The following ME1 variants were observed in gnomAD, a reference collection of about 807,000 sequenced individuals.
ME1 encodes malic enzyme 1.
A neutral mutation model predicts 66.4 loss-of-function variants in ME1; 74 were observed. The ratio of observed to expected loss-of-function variants is 1.11; its 90% CI spans 0.92 to 1.35. The LOEUF (loss-of-function observed/expected upper bound fraction) is 1.35. Ranked by LOEUF, ME1 falls within the 40% of genes most tolerant of loss-of-function variation. The pLI is 0.00. For synonymous variants in ME1, 251 were observed against 235.6 expected (o/e 1.07, Z -0.60); for missense variants, 750 against 694.1 (o/e 1.08, Z -0.90).
At chr6:83,288,531 A>T (rs1767439480) in intron 6 of ME1, among the ~76,000 whole-genome samples, 1 of 152,182 alleles carries the variant, frequency 6.6e-6, no homozygotes, top group African/African-American at 2.4e-5. Context: ...TTTTGGTACC[A>T]GTACCATGCT....
chr6:83,349,438 G>A (rs1768755925), intron 4 of ME1, among the ~76,000 whole-genome samples: 2 of 138,810 alleles, frequency 1.4e-5, no homozygotes, highest in South Asian at 4.4e-4. Context: ...TATCAGTGAT[G>A]TCTGTTTTTC....
rs375407404 is a variant in ME1, at chr6:83,317,993, C to T, written c.601-2580G>A. 1.8e-4 allele frequency among the ~76,000 whole-genome samples: 28 copies of T among 152,118 alleles called. 1 individual carries two copies. The highest frequency in any genetic ancestry group is 4.6e-4 in the African/African-American group (19 of 41,520). On this transcript the variant is annotated intron_variant, in intron 5 of 13. Coordinates refer to ENST00000369705, the MANE Select transcript of ME1 (RefSeq NM_002395.6). The stretch of plus-strand genomic sequence containing the variant: ...AACAGAACAGAGCCCTCAGAAATAA[C>T]GCCACATATCTACAACTATCTGATC...
intron 6 of ME1, among the ~76,000 whole-genome samples, chr6:83,260,760 T>C (rs1020426612): frequency 2.0e-5 from 3 of 152,214 alleles, no homozygotes; most frequent in African/African-American, 7.2e-5. Context: ...TCCAGCTCCA[T>C]CCATGTTCCT....
intron 6 of ME1, among the ~76,000 whole-genome samples, chr6:83,298,331 T>A (rs1344283022): frequency 6.6e-6 from 1 of 152,244 alleles, no homozygotes; most frequent in East Asian, 1.9e-4. Flanking sequence ...GAGCTTTTTT[T>A]CATATGTTTG....
In ME1 at chr6:83,237,739, T is replaced by G. The variant is rs150472584; in HGVS notation, c.1004A>C (p.Asp335Ala). The change falls in exon 9 of 14, where the codon GAT becomes GCT. Residue 335 changes from aspartate to alanine, a missense_variant. Physicochemically the swap from Asp to Ala is moderately radical, Grantham distance 126. Coordinates refer to ENST00000369705, the MANE Select transcript of ME1 (RefSeq NM_002395.6). ...EKAIKKIWLV[D>A]SKGLIVKGRA... The stretch of plus-strand genomic sequence containing the variant: ...TACCTTAACTATTAATCCTTTTGAA[T>G]CAACCAGCCATATCTTTTTGATGGC... 2.8e-4 allele frequency: 449 copies of G among 1,600,482 alleles called. 1 individual carries two copies. Among genetic ancestry groups the G allele is most frequent in the Admixed American group, 4.6e-4 (27 of 59,110 alleles).
chr6:83,224,858 T>C (rs961554790), intron 11 of ME1, among the ~76,000 whole-genome samples: 13 of 152,012 alleles, frequency 8.6e-5, no homozygotes, highest in Non-Finnish European at 1.6e-4. Context: ...CTAGTATTAA[T>C]ATTTTGTCAT....
chr6:83,393,474 G>C (rs1769669654), intron 3 of ME1: 1 of 481,818 alleles, frequency 2.1e-6, no homozygotes, highest in Non-Finnish European at 3.7e-6. Context: ...CTGCTGGAGA[G>C]TCCCTGCCAC....
At chr6:83,214,797 C>T (rs1789960445) in intron 13 of ME1, among the ~76,000 whole-genome samples, 1 of 152,012 alleles carries the variant, frequency 6.6e-6, no homozygotes, top group African/African-American at 2.4e-5. Flanking sequence ...GCCATTGATA[C>T]CTCAAACTTG....
intron 1 of ME1, among the ~76,000 whole-genome samples, chr6:83,430,557 C>T (rs929092890): frequency 2.0e-5 from 3 of 152,258 alleles, no homozygotes; most frequent in Admixed American, 6.5e-5. Context: ...ATTGTCTGGG[C>T]TCTTGTTTTT....
chr6:83,288,984 T>C (rs1767449564), intron 6 of ME1, among the ~76,000 whole-genome samples: 1 of 152,186 alleles, frequency 6.6e-6, no homozygotes, highest in Non-Finnish European at 1.5e-5. Context: ...GCTCATGATT[T>C]TTGCACATTG....
chr6:83,353,382 T>C (rs190237024), intron 3 of ME1, among the ~76,000 whole-genome samples: 5 of 152,334 alleles, frequency 3.3e-5, no homozygotes, highest in African/African-American at 1.2e-4. Flanking sequence ...ATTCATTATG[T>C]ATTTACTGGA....
At chr6:83,267,895 T>C (rs1404855284) in intron 6 of ME1, among the ~76,000 whole-genome samples, 1 of 152,208 alleles carries the variant, frequency 6.6e-6, no homozygotes, top group Non-Finnish European at 1.5e-5. Flanking sequence ...TAGTCATTTA[T>C]TAAAAGCCAA....
chr6:83,347,384 A>G (rs1334030851), intron 4 of ME1, among the ~76,000 whole-genome samples: 1 of 152,228 alleles, frequency 6.6e-6, no homozygotes, highest in African/African-American at 2.4e-5. Flanking sequence ...ATATGAATTT[A>G]AACAAAACCA....
chr6:83,355,906 T>C (rs1022501436), intron 3 of ME1, among the ~76,000 whole-genome samples: 6 of 152,188 alleles, frequency 3.9e-5, no homozygotes, highest in African/African-American at 1.2e-4. Flanking sequence ...TGTTTAATTT[T>C]AGACATGCCA....
intron 7 of ME1, among the ~76,000 whole-genome samples, chr6:83,240,551 G>A (rs1432762764): frequency 6.6e-6 from 1 of 151,958 alleles, no homozygotes; most frequent in Non-Finnish European, 1.5e-5. Flanking sequence ...ACTTCTTTAT[G>A]GCTAATAAAG....
intron 5 of ME1, among the ~76,000 whole-genome samples, chr6:83,333,045 T>G (rs945753741): frequency 6.6e-6 from 1 of 152,214 alleles, no homozygotes; most frequent in African/African-American, 2.4e-5. Flanking sequence ...TGTATCTTTA[T>G]GGCAAGTGAA....
intron 3 of ME1, among the ~76,000 whole-genome samples, chr6:83,358,630 C>A (rs1220158495): frequency 2.0e-5 from 3 of 152,136 alleles, no homozygotes; most frequent in African/African-American, 7.2e-5. Flanking sequence ...TGGGACCATG[C>A]AACTTGGAAT....
intron 7 of ME1, among the ~76,000 whole-genome samples, chr6:83,241,406 T>A (rs1180004742): frequency 6.6e-6 from 1 of 152,156 alleles, no homozygotes; most frequent in Admixed American, 6.6e-5. Context: ...TTTATTTACA[T>A]CGAATTGGAC....
At chr6:83,383,634 G>A (rs1380070563) in intron 3 of ME1, among the ~76,000 whole-genome samples, 1 of 151,692 alleles carries the variant, frequency 6.6e-6, no homozygotes, top group African/African-American at 2.4e-5. Flanking sequence ...TAATATACTT[G>A]CACATTTTCA....
Sources: allele counts gnomAD v4.1 joint callset (sites outside exome capture counted in the v4.1 genomes callset), GRCh38; gene constraint gnomAD v4.1.1; transcripts MANE v1.5; gene names NCBI Gene and HGNC (gene_info 2026-07-23, HGNC 2026-07-21).